The following SEC22C variants were observed in gnomAD, a reference collection of about 807,000 sequenced individuals.
SEC22C encodes the protein SEC22 homolog C, vesicle trafficking protein, also known as vesicle-trafficking protein SEC22c.
SEC22C carries 29 observed loss-of-function variants against 34.7 expected under a neutral mutation model. That is an observed-to-expected ratio of 0.84 (90% CI 0.62 to 1.14). The LOEUF (loss-of-function observed/expected upper bound fraction) is 1.14. Among genes scored for constraint, SEC22C ranks in the 50% most tolerant of loss-of-function variants. SEC22C has a pLI of 0.00. For missense variants in SEC22C, 337 were observed against 369.0 expected, an observed-to-expected ratio of 0.91 and a Z score of 0.71; for synonymous variants, 117 against 132.8, an observed-to-expected ratio of 0.88 and a Z score of 0.82.
At chr3:42,561,395 T>C in intron 3 of SEC22C, 99 bp from the exon 4 acceptor site, 1 of 1,278,182 alleles carries the variant, frequency 7.8e-7, no homozygotes, top group Non-Finnish European at 1.1e-6. Flanking sequence ...TTTTTGAAGA[T>C]AGGGTCTCAC....
chr3:42,548,927 C>T lies in SEC22C; in HGVS notation c.*4321G>A. The T allele has an allele frequency of 7.9e-7, 1 of 1,265,818 alleles. No individual in the cohort carries two copies. The highest frequency in any genetic ancestry group is 1.0e-6 in the Non-Finnish European group (1 of 999,082). 78.4% of individuals were successfully genotyped at this position (1,265,818 alleles called of 1,614,324 possible). On this transcript the variant is annotated 3_prime_UTR_variant, in exon 7 of 7. Transcript: ENST00000264454. Reference sequence around the variant, plus strand: ...CACCCAGTATTACCCTCCACTACCACTTTTGACCCTCATAACAGCACCCTG... The same window carrying T: ...CACCCAGTATTACCCTCCACTACCATTTTTGACCCTCATAACAGCACCCTG...
chr3:42,569,132 C>T (rs757668735), intron 1 of SEC22C, 59 bp from the exon 2 acceptor site: 1 of 1,135,620 alleles, frequency 8.8e-7, no homozygotes, highest in Non-Finnish European at 1.3e-6. Context: ...AGAAATACCC[C>T]CACCTGTGAA....
At chr3:42,598,097 G>A (rs1373556162) in intron 1 of SEC22C, among the ~76,000 whole-genome samples, 1 of 152,118 alleles carries the variant, frequency 6.6e-6, no homozygotes, top group Non-Finnish European at 1.5e-5. Flanking sequence ...ATAATTGAAA[G>A]CAGGTTTCAA....
At chr3:42,574,728 A>G (rs1230460419) in intron 1 of SEC22C, among the ~76,000 whole-genome samples, 2 of 152,070 alleles carry the variant, frequency 1.3e-5, no homozygotes, top group Admixed American at 1.3e-4. Context: ...GGAGACCACA[A>G]CAAGTCATAC....
intron 1 of SEC22C, chr3:42,594,395 G>T: frequency 6.3e-7 from 1 of 1,588,530 alleles, no homozygotes; most frequent in South Asian, 1.1e-5. Context: ...ACAAGCCTCT[G>T]ATTTTTGCCT....
chr3:42,565,689 A>G, intron 2 of SEC22C: 1 of 304,556 alleles, frequency 3.3e-6, no homozygotes, highest in South Asian at 2.8e-5. Context: ...AGGAAAACCA[A>G]GGATTGCCAA....
intron 5 of SEC22C, 35 bp downstream of exon 5, chr3:42,557,543 A>C: frequency 3.0e-6 from 3 of 1,012,522 alleles, no homozygotes; most frequent in Non-Finnish European, 4.4e-6. Flanking sequence ...TATGTCCTTC[A>C]ATTTAAACTG....
intron 6 of SEC22C, 42 bp downstream of exon 6, chr3:42,555,888 G>C (rs762554893): frequency 6.8e-7 from 1 of 1,459,920 alleles, no homozygotes; most frequent in East Asian, 2.3e-5. Context: ...ACAAAGTAAG[G>C]TCATGGATTT....
rs1341982510 is a variant in SEC22C at position 42,599,485 on chromosome 3, G to A, written c.-28+1475C>T. On this transcript the variant is annotated intron_variant, in intron 1 of 6. Coordinates refer to the SEC22C transcript ENST00000417572. Reference sequence around the variant, plus strand: ...AGGCGGGCGGATCACGAGGTCAGGAGATCGAGACCATCCCGGCTAAAACGG... The same window carrying A: ...AGGCGGGCGGATCACGAGGTCAGGAAATCGAGACCATCCCGGCTAAAACGG... 2.7e-5 allele frequency among the ~76,000 whole-genome samples: 4 copies of A among 150,052 alleles called. No individual in the cohort carries two copies. In the South Asian group the frequency reaches 6.3e-4, roughly 24 times the overall value.
intron 1 of SEC22C, among the ~76,000 whole-genome samples, chr3:42,588,430 C>T (rs1477831003): frequency 6.6e-6 from 1 of 152,018 alleles, no homozygotes; most frequent in Non-Finnish European, 1.5e-5. Context: ...CAAAAAAACC[C>T]CTTCACTTTA....
intron 6 of SEC22C, among the ~76,000 whole-genome samples, chr3:42,554,124 A>T (rs149930136): frequency 2.6e-5 from 4 of 152,182 alleles, no homozygotes; most frequent in East Asian, 3.9e-4. Context: ...ACATCACTGA[A>T]CATGGATCAA....
At chr3:42,591,063 G>C (rs1704816388) in intron 1 of SEC22C, 1 of 1,374,232 alleles carries the variant, frequency 7.3e-7, no homozygotes, top group Non-Finnish European at 1.0e-6. Context: ...CGGCCTCCCA[G>C]CTGACTGTGA....
intron 1 of SEC22C, among the ~76,000 whole-genome samples, chr3:42,573,771 A>C (rs929874314): frequency 3.9e-5 from 6 of 152,224 alleles, no homozygotes; most frequent in African/African-American, 1.4e-4. Context: ...GTAAACATTA[A>C]GACAGAACAT....
intron 1 of SEC22C, chr3:42,600,943 C>T (rs1705348968): frequency 4.6e-6 from 6 of 1,317,724 alleles, no homozygotes; most frequent in Admixed American, 5.4e-5. Context: ...CGCCCCCGCC[C>T]TCGCCCCTGC....
At chr3:42,591,551 C>G (rs1234424586) in intron 1 of SEC22C, 1 of 1,613,926 alleles carries the variant, frequency 6.2e-7, no homozygotes, top group Non-Finnish European at 8.5e-7. Context: ...ACCAGCTGAT[C>G]CGCTGTATTG....
chr3:42,600,661 T>G (rs186802203), intron 1 of SEC22C: 6 of 184,170 alleles, frequency 3.3e-5, no homozygotes, highest in East Asian at 2.8e-4. Flanking sequence ...TAGCGTGGCA[T>G]TGGGAGGCCC....
intron 2 of SEC22C, among the ~76,000 whole-genome samples, chr3:42,567,862 G>A (rs1487221765): frequency 1.3e-5 from 2 of 152,180 alleles, no homozygotes; most frequent in African/African-American, 2.4e-5. Flanking sequence ...CCTGAGGTCA[G>A]GAGCTCAAGA....
At chr3:42,573,882 T>A (rs1249836112) in intron 1 of SEC22C, among the ~76,000 whole-genome samples, 2 of 152,160 alleles carry the variant, frequency 1.3e-5, no homozygotes, top group African/African-American at 4.8e-5. Context: ...CAACTATTCA[T>A]GTTACTTGAG....
Position 42,552,210 on chromosome 3 carries a change from A to C in SEC22C, c.*1038T>G, listed in dbSNP as rs1702288287. The C allele has an allele frequency of 3.0e-6, 3 of 985,246 alleles. No individual in the cohort carries two copies. The highest frequency in any genetic ancestry group is 1.2e-4 in the Admixed American group (2 of 16,266). 61.0% of individuals were successfully genotyped at this position (985,246 alleles called of 1,614,324 possible). ...GTTAACAGATACTTAACTCTTGTTC[A>C]TAAAAAATGAGGCCCTCAAGCTAAT... is the stretch of plus-strand genomic sequence containing the variant. On this transcript the variant is annotated 3_prime_UTR_variant, in exon 7 of 7. Coordinates refer to ENST00000264454, the MANE Select transcript of SEC22C (RefSeq NM_032970.4).
Sources: allele counts gnomAD v4.1 joint callset (sites outside exome capture counted in the v4.1 genomes callset), GRCh38; gene constraint gnomAD v4.1.1; transcripts MANE v1.5; gene names NCBI Gene and HGNC (gene_info 2026-07-23, HGNC 2026-07-21).